MEIKIN: variants seen among roughly 807,000 people sequenced by gnomAD.
MEIKIN encodes meiotic kinetochore factor.
intron 11 of MEIKIN, among the ~76,000 whole-genome samples, chr5:131,837,198 C>T (rs567486282): frequency 2.6e-4 from 39 of 152,260 alleles, no homozygotes; most frequent in African/African-American, 9.4e-4. Context: ...GGCCTTATTT[C>T]TGAGCTCTCT....
chr5:131,838,588 CA>C (rs1749852391), intron 11 of MEIKIN, among the ~76,000 whole-genome samples: 1 of 151,786 alleles, frequency 6.6e-6, no homozygotes. Flanking sequence ...GTGGAGGGTG[CA>C]TGTGTACAGG....
intron 11 of MEIKIN, among the ~76,000 whole-genome samples, chr5:131,824,879 G>C (rs1749584767): frequency 6.6e-6 from 1 of 151,914 alleles, no homozygotes; most frequent in Non-Finnish European, 1.5e-5. Context: ...AATATACAAA[G>C]AACAGCAAAC....
At chr5:131,877,423 G>A (rs1197399661) in intron 9 of MEIKIN, among the ~76,000 whole-genome samples, 4 of 152,058 alleles carry the variant, frequency 2.6e-5, no homozygotes, top group Non-Finnish European at 4.4e-5. Context: ...CGGGTGGATC[G>A]CTTGAACCCA....
intron 12 of MEIKIN, 140 bp from the exon 13 acceptor site, chr5:131,807,398 C>T: frequency 2.5e-6 from 1 of 394,340 alleles, no homozygotes; most frequent in Non-Finnish European, 4.5e-6. Context: ...GGAAACAAAT[C>T]CAGAGGCCAT....
intron 11 of MEIKIN, among the ~76,000 whole-genome samples, chr5:131,839,846 A>T (rs559206750): frequency 5.3e-5 from 8 of 152,276 alleles, no homozygotes; most frequent in African/African-American, 1.9e-4. Context: ...TAATCTGTTT[A>T]AATTCAAGGT....
intron 8 of MEIKIN, among the ~76,000 whole-genome samples, chr5:131,901,177 G>A (rs551873238): frequency 3.3e-5 from 5 of 152,206 alleles, no homozygotes; most frequent in East Asian, 1.9e-4. Flanking sequence ...ATGAATGCAC[G>A]CACAGATGGC....
intron 9 of MEIKIN, among the ~76,000 whole-genome samples, chr5:131,869,170 G>A (rs769230394): frequency 4.6e-5 from 7 of 152,196 alleles, no homozygotes; most frequent in Non-Finnish European, 8.8e-5. Flanking sequence ...TATAAGGTCT[G>A]TGTCTAGGTT....
chr5:131,821,885 A>C (rs755583587), intron 11 of MEIKIN, among the ~76,000 whole-genome samples: 2 of 151,862 alleles, frequency 1.3e-5, no homozygotes, highest in Non-Finnish European at 2.9e-5. Flanking sequence ...TTGGCCTCCC[A>C]AAGTGCTAGG....
chr5:131,849,577 T>C (rs1191314014), intron 11 of MEIKIN, among the ~76,000 whole-genome samples: 36 of 117,942 alleles, frequency 3.1e-4, no homozygotes, highest in Admixed American at 8.9e-4. Flanking sequence ...TAAAGAAACC[T>C]CTTTTCTTTA....
intron 8 of MEIKIN, among the ~76,000 whole-genome samples, chr5:131,893,422 T>C (rs1421121579): frequency 6.6e-6 from 1 of 152,254 alleles, no homozygotes; most frequent in East Asian, 1.9e-4. Flanking sequence ...GGTGTGCCAT[T>C]TGTGAAGCCC....
chr5:131,856,439 T>G (rs966447574), intron 9 of MEIKIN, among the ~76,000 whole-genome samples: 3 of 152,216 alleles, frequency 2.0e-5, no homozygotes, highest in Non-Finnish European at 4.4e-5. Flanking sequence ...TCAGCTTTCA[T>G]GCTGAGGCCA....
intron 7 of MEIKIN, among the ~76,000 whole-genome samples, chr5:131,915,619 C>T (rs1418383785): frequency 6.6e-6 from 1 of 152,124 alleles, no homozygotes; most frequent in African/African-American, 2.4e-5. Flanking sequence ...GGGATATGAT[C>T]ACCTACCAAT....
intron 7 of MEIKIN, among the ~76,000 whole-genome samples, chr5:131,914,171 G>A (rs921238235): frequency 6.6e-5 from 10 of 152,056 alleles, no homozygotes; most frequent in Admixed American, 3.9e-4. Context: ...CAGCAAGAAG[G>A]CCCTCACTAA....
intron 9 of MEIKIN, among the ~76,000 whole-genome samples, chr5:131,872,530 C>A (rs1196539174): frequency 6.6e-6 from 1 of 152,180 alleles, no homozygotes; most frequent in African/African-American, 2.4e-5. Context: ...GATTGGTGTA[C>A]CTGAAAGTGA....
chr5:131,833,452 T>C (rs1749747248), intron 11 of MEIKIN, among the ~76,000 whole-genome samples: 2 of 152,238 alleles, frequency 1.3e-5, no homozygotes, highest in South Asian at 4.1e-4. Flanking sequence ...CATTTTCCTG[T>C]CTTCTTCTGA....
chr5:131,934,471 A>G (rs1026464635), intron 4 of MEIKIN, among the ~76,000 whole-genome samples: 1 of 152,196 alleles, frequency 6.6e-6, no homozygotes, highest in Non-Finnish European at 1.5e-5. Flanking sequence ...TGGAGAAAGG[A>G]TAGTCTTTTA....
At chr5:131,896,537 AG>A (rs756441683) in intron 8 of MEIKIN, among the ~76,000 whole-genome samples, 3 of 152,158 alleles carry the variant, frequency 2.0e-5, no homozygotes, top group Non-Finnish European at 2.9e-5. Flanking sequence ...TAGGTCTCTA[AG>A]GACTTGCTTT....
At chr5:131,919,374 G>A (rs550580867) in intron 6 of MEIKIN, among the ~76,000 whole-genome samples, 6 of 152,134 alleles carry the variant, frequency 3.9e-5, no homozygotes, top group African/African-American at 1.4e-4. Context: ...TCCTACCTCT[G>A]GAAATCTACC....
Position 131,944,717 on chromosome 5 carries a change from T to C in MEIKIN, c.236A>G (p.Gln79Arg). The change falls in exon 3 of 13, where the codon CAA (glutamine) becomes CGA (arginine). Residue 79 changes from glutamine (Q) to arginine (R), a missense_variant. By Grantham distance (43) the Gln-to-Arg change is conservative. Transcript: ENST00000442687. ...GGTGTCTTCACTAGACCTATTTTCT[T>C]GCAGGCTTTTCTCTCCTGTAACTCC... is the stretch of plus-strand genomic sequence containing the variant. ...RLGVTGEKSL[Q>R]ENRSSEDTQD... 1 of 399,090 alleles carries C rather than the reference T, an allele frequency of 2.5e-6. No individual in the cohort carries two copies. Among genetic ancestry groups the C allele is most frequent in the Non-Finnish European group, 4.4e-6 (1 of 226,074 alleles). 24.7% of individuals were successfully genotyped at this position (399,090 alleles called of 1,614,324 possible). A position where few individuals can be genotyped will look rare whatever the true frequency, so the allele number is the denominator to read the frequency against.
Sources: gnomAD v4.1 joint callset for allele counts (sites outside exome capture counted in the v4.1 genomes callset) on GRCh38, gnomAD v4.1.1 for gene constraint, MANE v1.5 for transcripts, NCBI Gene and HGNC (gene_info 2026-07-23, HGNC 2026-07-21) for gene names.